The following MIAT variants were observed in gnomAD, a reference collection of about 807,000 sequenced individuals.
MIAT encodes MI related novel mRNA.
intron 2 of MIAT, among the ~76,000 whole-genome samples, chr22:26,658,490 G>T (rs1930541789): frequency 2.0e-5 from 3 of 152,176 alleles, no homozygotes; most frequent in Admixed American, 1.3e-4. Flanking sequence ...AGGAGATCCC[G>T]CAACCCACCA....
chr22:26,646,463 A>G (rs562787201), exon 1 of MIAT: 36 of 399,302 alleles, frequency 9.0e-5, no homozygotes, highest in African/African-American at 7.2e-4. Flanking sequence ...AGAGGCAGGG[A>G]GGACTGTACA....
downstream of MIAT, chr22:26,674,089 G>A: frequency 2.5e-6 from 1 of 398,656 alleles, no homozygotes; most frequent in Non-Finnish European, 4.4e-6. Context: ...TCATTTTGGG[G>A]ACTTTGTGTT....
intron 2 of MIAT, among the ~76,000 whole-genome samples, chr22:26,659,780 A>G (rs1930592710): frequency 1.3e-5 from 1 of 77,148 alleles, no homozygotes; most frequent in Non-Finnish European, 2.9e-5. Context: ...AGGATTTAGA[A>G]AAGACAAAAA....
chr22:26,671,655 C>T, downstream of MIAT: 2 of 398,610 alleles, frequency 5.0e-6, no homozygotes, highest in Non-Finnish European at 8.8e-6. Context: ...CGTTCCAGGA[C>T]AGAGAATGCA....
intron 2 of MIAT, among the ~76,000 whole-genome samples, chr22:26,655,187 A>C (rs1602355371): frequency 1.3e-5 from 2 of 152,094 alleles, no homozygotes; most frequent in East Asian, 3.9e-4. Flanking sequence ...GCTGTGTCTA[A>C]AGCCTCCTTG....
chr22:26,673,891 A>G (rs1039400112), downstream of MIAT: 1 of 398,690 alleles, frequency 2.5e-6, no homozygotes, highest in Non-Finnish European at 4.4e-6. Context: ...GGTTTTGGCC[A>G]TTGGGCATAT....
intron 2 of MIAT, among the ~76,000 whole-genome samples, chr22:26,656,393 C>T (rs575303396): frequency 1.3e-5 from 2 of 151,022 alleles, no homozygotes; most frequent in East Asian, 3.9e-4. Context: ...GGCGCGACCT[C>T]GGCTCACTGC....
chr22:26,651,871 T>C (rs1930342273), intron 2 of MIAT, among the ~76,000 whole-genome samples: 1 of 152,180 alleles, frequency 6.6e-6, no homozygotes, highest in African/African-American at 2.4e-5. Flanking sequence ...TTGGGGGTGA[T>C]GAAAATGTCT....
At chr22:26,650,881 A>G (rs982617068) in intron 2 of MIAT, among the ~76,000 whole-genome samples, 7 of 152,168 alleles carry the variant, frequency 4.6e-5, no homozygotes, top group African/African-American at 1.7e-4. Flanking sequence ...TACTACACAC[A>G]TTCTAGCTGG....
At chr22:26,673,542 A>T, downstream of MIAT, 1 of 398,678 alleles carries the variant, frequency 2.5e-6, no homozygotes, top group South Asian at 1.3e-4. Flanking sequence ...CTTTCAGCAG[A>T]AACTAATGGT....
At chr22:26,673,309 C>T (rs1931132000), downstream of MIAT, 1 of 398,798 alleles carries the variant, frequency 2.5e-6, no homozygotes, top group African/African-American at 2.1e-5. Flanking sequence ...TCATGCCTCA[C>T]CTCCAGTAGG....
intron 2 of MIAT, among the ~76,000 whole-genome samples, chr22:26,651,116 T>C (rs1169862613): frequency 2.0e-5 from 3 of 152,186 alleles, no homozygotes; most frequent in Non-Finnish European, 2.9e-5. Flanking sequence ...CAGGGAATTG[T>C]TGAAAGGCAC....
At chr22:26,673,049 C>T (rs1421528496), downstream of MIAT, 1 of 398,504 alleles carries the variant, frequency 2.5e-6, no homozygotes, top group Non-Finnish European at 4.4e-6. Context: ...TTCCCGGAAG[C>T]TAGAGGGCGT....
chr22:26,659,740 T>C (rs948995150), intron 2 of MIAT, among the ~76,000 whole-genome samples: 1 of 146,268 alleles, frequency 6.8e-6, no homozygotes, highest in African/African-American at 2.5e-5. Flanking sequence ...ACAAATTCAA[T>C]AAGTTTAATA....
At chr22:26,646,669 A>C in exon 1 of MIAT, 1 of 398,660 alleles carries the variant, frequency 2.5e-6, no homozygotes. Context: ...TGTCCCCGGC[A>C]TCACTGGACT....
downstream of MIAT, chr22:26,671,630 C>G (rs998423862): frequency 1.8e-5 from 7 of 398,616 alleles, no homozygotes; most frequent in African/African-American, 1.4e-4. Flanking sequence ...GGGCTGGGAT[C>G]TTTGTGCAGA....
At chr22:26,667,312 T>A in intron 5 of MIAT, 1 of 391,860 alleles carries the variant, frequency 2.6e-6, no homozygotes. Flanking sequence ...GGCAAGGGGG[T>A]GAGCTCCTCG....
chr22:26,673,926 G>T (rs1931164088), downstream of MIAT: 1 of 398,476 alleles, frequency 2.5e-6, no homozygotes, highest in African/African-American at 2.1e-5. Context: ...GTCTGCATTT[G>T]GTTTCAGTTC....
downstream of MIAT, chr22:26,674,089 G>C: frequency 2.5e-6 from 1 of 398,656 alleles, no homozygotes. Flanking sequence ...TCATTTTGGG[G>C]ACTTTGTGTT....
Sources: gnomAD v4.1 joint callset for allele counts (sites outside exome capture counted in the v4.1 genomes callset) on GRCh38, gnomAD v4.1.1 for gene constraint, MANE v1.5 for transcripts, NCBI Gene and HGNC (gene_info 2026-07-23, HGNC 2026-07-21) for gene names.